The following SLIT2 variants were observed in gnomAD, a reference collection of about 807,000 sequenced individuals.
SLIT2 encodes slit homolog 2 protein.
Under a neutral mutation model 185.7 loss-of-function variants are expected in SLIT2, and 41 were observed. That is an observed-to-expected ratio of 0.22 (90% CI 0.17 to 0.29). The LOEUF is 0.29. SLIT2 is among the 10% of genes least tolerant of loss of function. The pLI is 1.00. For synonymous variants in SLIT2, 693 were observed against 680.2 expected (o/e 1.02, Z -0.29); for missense variants, 1,571 against 1,909.0 (o/e 0.82, Z 3.30).
At chr4:20,581,903 C>T (rs1726611028) in intron 29 of SLIT2, among the ~76,000 whole-genome samples, 1 of 152,174 alleles carries the variant, frequency 6.6e-6, no homozygotes, top group African/African-American at 2.4e-5. Context: ...CCCACTACCA[C>T]ACCTGGCTAA....
chr4:20,570,535 G>T (rs1188004633), intron 29 of SLIT2, among the ~76,000 whole-genome samples: 2 of 151,398 alleles, frequency 1.3e-5, no homozygotes, highest in African/African-American at 2.4e-5. Flanking sequence ...CTGCTACCTG[G>T]TACCTTCTTA....
At position 20,528,180 on chromosome 4, in the gene SLIT2, T is replaced by C; in HGVS notation, c.1463-769T>C. 2 of 507,542 alleles carry C rather than the reference T, an allele frequency of 3.9e-6. No homozygotes were observed. Among genetic ancestry groups the C allele is most frequent in the Middle Eastern group, 3.2e-4 (1 of 3,088 alleles). 31.4% of individuals were successfully genotyped at this position (507,542 alleles called of 1,614,324 possible). A position where few individuals can be genotyped will look rare whatever the true frequency, so the allele number is the denominator to read the frequency against. On this transcript the variant is annotated intron_variant, in intron 15 of 36. Coordinates refer to ENST00000504154, the MANE Select transcript of SLIT2 (RefSeq NM_004787.4). The surrounding 1 kb of genome is among the most constrained non-coding windows in gnomAD (Gnocchi z 4.2). ...CATTCTGCGGGAAGAATGCATGTCA[T>C]GTAAACAGTATTACGTTTCCAGAAC...
At chr4:20,567,417 T>G (rs768680866) in intron 27 of SLIT2, 31 bp downstream of exon 27, 1 of 1,612,944 alleles carries the variant, frequency 6.2e-7, no homozygotes, top group South Asian at 1.1e-5. Flanking sequence ...AGTCACAGTT[T>G]GAGAGCATAA....
chr4:20,492,965 CTG>C (rs952465716), intron 9 of SLIT2, among the ~76,000 whole-genome samples: 73 of 152,238 alleles, frequency 4.8e-4, no homozygotes, highest in African/African-American at 1.6e-3. Context: ...ATTCTAGACT[CTG>C]TGAAGATTTG....
intron 4 of SLIT2, among the ~76,000 whole-genome samples, chr4:20,427,117 A>C (rs1420165238): frequency 6.6e-6 from 1 of 152,206 alleles, no homozygotes. Context: ...TCCTCAATTG[A>C]AAGGCAAAGA....
At chr4:20,608,156 A>G (rs958695955) in intron 33 of SLIT2, among the ~76,000 whole-genome samples, 1 of 152,110 alleles carries the variant, frequency 6.6e-6, no homozygotes, top group Non-Finnish European at 1.5e-5. Flanking sequence ...AATTTTTGCT[A>G]TGCTGGGTAT....
rs1367003336 is a variant in SLIT2, at chr4:20,553,859, C to T, written c.2616C>T (p.Asp872=). Reference sequence around the variant, plus strand: ...ATTGTAACATGCAGTGGTTATCCGACTGGGTGAAGTCGGAATATAAGGAGC... The same window carrying T: ...ATTGTAACATGCAGTGGTTATCCGATTGGGTGAAGTCGGAATATAAGGAGC... ...YCDCNMQWLS[D]WVKSEYKEPG... is the part of the protein sequence containing the mutation. The change falls in exon 26 of 37, where the codon GAC becomes GAT. Residue 872 remains aspartate (D), a synonymous_variant. Transcript: ENST00000504154. 5 of 1,607,162 alleles carry T rather than the reference C, an allele frequency of 3.1e-6. No individual in the cohort carries two copies. The highest frequency in any genetic ancestry group is 4.2e-6 in the Non-Finnish European group (5 of 1,178,344).
intron 4 of SLIT2, among the ~76,000 whole-genome samples, chr4:20,299,831 G>A (rs1716878792): frequency 2.0e-5 from 3 of 151,752 alleles, no homozygotes; most frequent in South Asian, 2.1e-4. Context: ...ATAGGGCTCC[G>A]TAACAGATAC....
intron 4 of SLIT2, among the ~76,000 whole-genome samples, chr4:20,432,522 C>A (rs1276961751): frequency 7.0e-6 from 1 of 141,916 alleles, no homozygotes; most frequent in Admixed American, 7.1e-5. Flanking sequence ...GACTGTCTGC[C>A]TTTTTTTTTT....
chr4:20,305,955 G>A (rs1461449194), intron 4 of SLIT2, among the ~76,000 whole-genome samples: 1 of 150,782 alleles, frequency 6.6e-6, no homozygotes, highest in East Asian at 1.9e-4. Context: ...ACATAGGTTA[G>A]CGTTAAGTGT....
chr4:20,310,998 C>T (rs576373213), intron 4 of SLIT2, among the ~76,000 whole-genome samples: 1 of 152,296 alleles, frequency 6.6e-6, no homozygotes. Context: ...GATCCTCCTG[C>T]CTCAGCCTTC....
In SLIT2 at chr4:20,523,985, A is replaced by G. The variant is rs773021608; in HGVS notation, c.1275-29A>G. On this transcript the variant is annotated intron_variant, in intron 13 of 36. Coordinates refer to ENST00000504154, the MANE Select transcript of SLIT2 (RefSeq NM_004787.4). ...GAGCTGAGTCCATTGCAAGTCATCT[A>G]TAAAACTGTTCTGTATGTGTTTCCA... 46 of 1,613,586 alleles carry G rather than the reference A, an allele frequency of 2.9e-5. No homozygotes were observed. In the Admixed American group the frequency reaches 4.7e-4, roughly 16 times the overall value.
intron 9 of SLIT2, among the ~76,000 whole-genome samples, chr4:20,500,766 C>A (rs530790088): frequency 6.6e-6 from 1 of 151,954 alleles, no homozygotes; most frequent in Non-Finnish European, 1.5e-5. Context: ...AAAGTGAAAA[C>A]CTGGTTTGAG....
chr4:20,333,984 T>G (rs556267006), intron 4 of SLIT2, among the ~76,000 whole-genome samples: 1 of 152,344 alleles, frequency 6.6e-6, no homozygotes, highest in African/African-American at 2.4e-5. Context: ...AGTTATAGCT[T>G]TGAAGTAATT....
chr4:20,574,367 A>T (rs1725890621), intron 29 of SLIT2, among the ~76,000 whole-genome samples: 1 of 152,174 alleles, frequency 6.6e-6, no homozygotes, highest in African/African-American at 2.4e-5. Context: ...ATTTTTAATT[A>T]TTCAGCTTAC....
chr4:20,542,656 C>A, intron 21 of SLIT2, 30 bp downstream of exon 21: 1 of 1,607,212 alleles, frequency 6.2e-7, no homozygotes, highest in Non-Finnish European at 8.5e-7. Flanking sequence ...CTTTTCTTTT[C>A]TTTTTCCTTG....
intron 4 of SLIT2, among the ~76,000 whole-genome samples, chr4:20,298,132 G>C (rs1470592255): frequency 6.7e-6 from 1 of 149,460 alleles, no homozygotes; most frequent in Non-Finnish European, 1.5e-5. Flanking sequence ...CTTGCTGCCC[G>C]GGCTGGAGTG....
At chr4:20,368,691 A>G (rs1450576869) in intron 4 of SLIT2, among the ~76,000 whole-genome samples, 1 of 152,158 alleles carries the variant, frequency 6.6e-6, no homozygotes, top group South Asian at 2.1e-4. Flanking sequence ...TTGAAAAAGT[A>G]AAGAATGCTC....
intron 4 of SLIT2, among the ~76,000 whole-genome samples, chr4:20,312,003 TAAA>T (rs1319615428): frequency 2.6e-5 from 4 of 152,232 alleles, no homozygotes; most frequent in Non-Finnish European, 5.9e-5. Context: ...TGGTATTTTC[TAAA>T]AGCACTTGAA....
Sources: allele counts gnomAD v4.1 joint callset (sites outside exome capture counted in the v4.1 genomes callset), GRCh38; gene constraint gnomAD v4.1.1; non-coding constraint Gnocchi (gnomAD v3.1); transcripts MANE v1.5; gene names NCBI Gene and HGNC (gene_info 2026-07-23, HGNC 2026-07-21).